Variants in CNST observed in about 807,000 individuals in gnomAD.
CNST encodes the protein consortin, connexin sorting protein, also known as consortin.
CNST carries 39 observed loss-of-function variants against 72.4 expected under a neutral mutation model. That is an observed-to-expected ratio of 0.54 (90% CI 0.42 to 0.70). The LOEUF (loss-of-function observed/expected upper bound fraction) is 0.70. CNST is among the 30% of genes least tolerant of loss of function. CNST has a pLI of 0.00. For missense variants in CNST, 871 were observed against 868.5 expected (o/e 1.00, Z -0.04); for synonymous variants, 332 against 320.1 (o/e 1.04, Z -0.40).
chr1:246,632,412 C>T, intron 4 of CNST: 1 of 210,840 alleles, frequency 4.7e-6, no homozygotes, highest in Non-Finnish European at 9.7e-6. Flanking sequence ...TCTTGCCTTC[C>T]CCTTGGATAA....
chr1:246,629,086 A>G (rs914066102), intron 3 of CNST, among the ~76,000 whole-genome samples: 1 of 152,004 alleles, frequency 6.6e-6, no homozygotes, highest in African/African-American at 2.4e-5. Flanking sequence ...CTCTCTTTCA[A>G]TCCTTATGGC....
intron 1 of CNST, 76 bp downstream of exon 1, chr1:246,566,739 G>T (rs572092503): frequency 1.4e-4 from 55 of 399,952 alleles, no homozygotes; most frequent in Middle Eastern, 1.3e-3. Context: ...GAAGCCTCTC[G>T]CTCCTCCCCC....
At chr1:246,622,244 C>T (rs1401022197) in intron 3 of CNST, among the ~76,000 whole-genome samples, 1 of 152,150 alleles carries the variant, frequency 6.6e-6, no homozygotes, top group Middle Eastern at 3.2e-3. Context: ...CCCTGCTGGA[C>T]ATGGGTAAAC....
At chr1:246,598,533 A>G (rs1215048524) in intron 2 of CNST, among the ~76,000 whole-genome samples, 1 of 152,184 alleles carries the variant, frequency 6.6e-6, no homozygotes, top group African/African-American at 2.4e-5. Flanking sequence ...TTGGGATGTT[A>G]ACTGATATCA....
At chr1:246,571,445 AG>A (rs1660061978) in intron 1 of CNST, among the ~76,000 whole-genome samples, 1 of 152,168 alleles carries the variant, frequency 6.6e-6, no homozygotes. Context: ...CCACTGTGCC[AG>A]GCCAAATGGT....
At chr1:246,635,054 G>C (rs926699644) in intron 6 of CNST, among the ~76,000 whole-genome samples, 1 of 152,152 alleles carries the variant, frequency 6.6e-6, no homozygotes, top group Non-Finnish European at 1.5e-5. Flanking sequence ...TCGCGCCTTG[G>C]GACTGGGTCT....
intron 1 of CNST, among the ~76,000 whole-genome samples, chr1:246,576,659 C>T (rs1193644417): frequency 6.6e-6 from 1 of 151,488 alleles, no homozygotes; most frequent in African/African-American, 2.4e-5. Flanking sequence ...ACGCGCGGCA[C>T]ATTTTTGTAT....
intron 9 of CNST, among the ~76,000 whole-genome samples, chr1:246,658,898 G>A (rs577145133): frequency 6.6e-6 from 1 of 152,164 alleles, no homozygotes; most frequent in African/African-American, 2.4e-5. Flanking sequence ...CTGCTTCCCA[G>A]CCTGGCTCTC....
rs1665729002 is a variant in CNST, at chr1:246,642,013, G to A, written c.913G>A (p.Gly305Arg). 6.2e-7 allele frequency: 1 copy of A among 1,610,702 alleles called. No individual in the cohort carries two copies. Among genetic ancestry groups the A allele is most frequent in the African/African-American group, 1.3e-5 (1 of 74,792 alleles). Reference protein sequence around the residue: ...QLLVSEDPKEGGATTKESESK... With the variant: ...QLLVSEDPKERGATTKESESK... ...ACTAGTGTCTGAAGATCCAAAGGAA[G>A]GAGGAGCTACCACCAAAGAGTCAGG... The change falls in exon 8 of 11, where the codon GGA (glycine) becomes AGA (arginine). Residue 305 changes from glycine (G) to arginine (R), a missense_variant. By Grantham distance (125) the Gly-to-Arg change is moderately radical. Coordinates refer to ENST00000366513, the MANE Select transcript of CNST (RefSeq NM_152609.3).
chr1:246,631,793 AT>A (rs1485825632), intron 3 of CNST, 100 bp from the exon 4 acceptor site: 1 of 808,502 alleles, frequency 1.2e-6, no homozygotes, highest in African/African-American at 1.7e-5. Context: ...TTAATTTGAT[AT>A]CAAAAACATT....
At chr1:246,588,091 CCTTT>C (rs1178825379) in intron 1 of CNST, among the ~76,000 whole-genome samples, 17 of 151,842 alleles carry the variant, frequency 1.1e-4, no homozygotes, top group South Asian at 6.2e-4. Flanking sequence ...TCTTCTGTGG[CCTTT>C]CTTTTTGCTA....
At chr1:246,622,762 G>A (rs997705831) in intron 3 of CNST, among the ~76,000 whole-genome samples, 1 of 151,904 alleles carries the variant, frequency 6.6e-6, no homozygotes, top group Non-Finnish European at 1.5e-5. Flanking sequence ...TTTTACATAA[G>A]AGCTAATTCA....
Position 246,612,895 on chromosome 1 carries a change from T to C in CNST, c.380-8534T>C, listed in dbSNP as rs573982179. Among the ~76,000 whole-genome samples the C allele has an allele frequency of 2.0e-5, 3 of 152,072 alleles. No homozygotes were observed. In the South Asian group the frequency reaches 6.2e-4, roughly 32 times the overall value. ...GTGAGACCCTGTCTCAAAAAATATATATATAACACTCCAAACTCAGTGTTA... is the reference window on the plus strand; with the variant it reads ...GTGAGACCCTGTCTCAAAAAATATACATATAACACTCCAAACTCAGTGTTA... On this transcript the variant is annotated intron_variant, in intron 2 of 10. Transcript: ENST00000366513.
At chr1:246,587,701 G>A (rs1205556023) in intron 1 of CNST, among the ~76,000 whole-genome samples, 1 of 152,190 alleles carries the variant, frequency 6.6e-6, no homozygotes, top group East Asian at 1.9e-4. Context: ...TCTTCATACT[G>A]CTTGGGTATA....
At chr1:246,618,736 T>C (rs1663855202) in intron 2 of CNST, among the ~76,000 whole-genome samples, 1 of 152,210 alleles carries the variant, frequency 6.6e-6, no homozygotes, top group Non-Finnish European at 1.5e-5. Flanking sequence ...ATGTATTGCT[T>C]TTTAATATCA....
In CNST at chr1:246,615,206, C is replaced by T. The variant is rs537783711; in HGVS notation, c.380-6223C>T. On this transcript the variant is annotated intron_variant, in intron 2 of 10. Transcript: ENST00000366513. ...TTTTTTTTTCTTTGAGACGGAGTCT[C>T]GCTCTGTCACCCAGGCTGGAGCGCA... Among the ~76,000 whole-genome samples, 14 of 152,262 alleles carry T rather than the reference C, an allele frequency of 9.2e-5. No individual in the cohort carries two copies. In the East Asian group the frequency reaches 1.4e-3, roughly 15 times the overall value.
chr1:246,654,532 C>T (rs1182965715), intron 9 of CNST, among the ~76,000 whole-genome samples: 1 of 152,220 alleles, frequency 6.6e-6, no homozygotes, highest in African/African-American at 2.4e-5. Flanking sequence ...TCCTGTCTAG[C>T]TGTAATCTCT....
At chr1:246,613,468 TTCTC>T (rs1356885206) in intron 2 of CNST, among the ~76,000 whole-genome samples, 1 of 151,818 alleles carries the variant, frequency 6.6e-6, no homozygotes. Flanking sequence ...TGGCATAACC[TTCTC>T]TCAGATTTTT....
intron 8 of CNST, among the ~76,000 whole-genome samples, chr1:246,642,702 C>A (rs1665789820): frequency 6.8e-6 from 1 of 147,434 alleles, no homozygotes; most frequent in South Asian, 2.2e-4. Flanking sequence ...TCCCTTGATA[C>A]CTAATTTTAC....
Sources: gnomAD v4.1 joint callset for allele counts (sites outside exome capture counted in the v4.1 genomes callset) on GRCh38, gnomAD v4.1.1 for gene constraint, MANE v1.5 for transcripts, NCBI Gene and HGNC (gene_info 2026-07-23, HGNC 2026-07-21) for gene names.